Variants in FBXO11 observed in about 807,000 individuals in gnomAD.
FBXO11 encodes the protein F-box protein 11, also known as F-box only protein 11.
A neutral mutation model predicts 117.0 loss-of-function variants in FBXO11; 13 were observed. The ratio of observed to expected loss-of-function variants is 0.11; its 90% CI spans 0.07 to 0.18. FBXO11 has a LOEUF of 0.18. FBXO11 is among the 10% of genes least tolerant of loss of function. The probability of loss-of-function intolerance (pLI) is 1.00; values close to 1 mark genes in which losing one functional copy is unlikely to be tolerated. For synonymous variants in FBXO11, 490 were observed against 380.5 expected, an observed-to-expected ratio of 1.29 and a Z score of -3.35; for missense variants, 767 against 1,164.4, an observed-to-expected ratio of 0.66 and a Z score of 4.97.
Position 47,807,158 on chromosome 2 carries a change from CT to C in FBXO11, c.*959del. 1 of 312,516 alleles carries C rather than the reference CT, an allele frequency of 3.2e-6. No homozygotes were observed. The highest frequency in any genetic ancestry group is 5.9e-6 in the Non-Finnish European group (1 of 168,612). The allele number at this position is 312,516 out of a possible 1,614,324, so 19.4% of individuals were successfully genotyped here. On this transcript the variant is annotated 3_prime_UTR_variant, in exon 23 of 23. Coordinates refer to ENST00000403359, the MANE Select transcript of FBXO11 (RefSeq NM_001190274.2). The stretch of plus-strand genomic sequence containing the variant: ...GAAACTGTATAGGGCTGTATATATA[CT>C]TGTCTCAGCTTAATGCAGGAAATTG...
At chr2:47,810,589 T>G in intron 18 of FBXO11, 163 bp from the exon 19 acceptor site, 1 of 519,138 alleles carries the variant, frequency 1.9e-6, no homozygotes, top group Non-Finnish European at 3.4e-6. Flanking sequence ...TCAGAGGTAT[T>G]AAGGATCTAA....
intron 14 of FBXO11, 78 bp downstream of exon 14, chr2:47,820,284 C>G: frequency 1.8e-6 from 2 of 1,114,214 alleles, no homozygotes; most frequent in South Asian, 3.1e-5. Context: ...TATGGCCTAC[C>G]TAAAAGCTTG....
chr2:47,810,021 G>A (rs1358703852), intron 19 of FBXO11: 2 of 487,986 alleles, frequency 4.1e-6, no homozygotes, highest in African/African-American at 4.0e-5. Context: ...AAATTCATCT[G>A]AGGAATTGAA....
intron 1 of FBXO11, among the ~76,000 whole-genome samples, chr2:47,877,590 G>T (rs536422432): frequency 6.6e-6 from 1 of 152,136 alleles, no homozygotes; most frequent in Non-Finnish European, 1.5e-5. Context: ...GTTGCATGGT[G>T]TGTGTGTATC....
intron 1 of FBXO11, among the ~76,000 whole-genome samples, chr2:47,874,579 G>A (rs191267842): frequency 6.6e-6 from 1 of 151,724 alleles, no homozygotes; most frequent in Non-Finnish European, 1.5e-5. Flanking sequence ...CTGTTGCCCA[G>A]GATGCATTGC....
chr2:47,904,843 G>C (rs911388343), intron 1 of FBXO11, among the ~76,000 whole-genome samples: 1 of 151,916 alleles, frequency 6.6e-6, no homozygotes, highest in Non-Finnish European at 1.5e-5. Flanking sequence ...CCTTCCCAGG[G>C]GTTCGTAACT....
intron 1 of FBXO11, among the ~76,000 whole-genome samples, chr2:47,853,867 T>C (rs1674071069): frequency 6.6e-6 from 1 of 152,228 alleles, no homozygotes; most frequent in Admixed American, 6.5e-5. Context: ...CAATTTCATC[T>C]TCTAAAAACT....
chr2:47,857,397 A>G (rs1208160809), intron 1 of FBXO11, among the ~76,000 whole-genome samples: 2 of 152,216 alleles, frequency 1.3e-5, no homozygotes, highest in East Asian at 3.9e-4. Context: ...TTGGGATTAT[A>G]GTCGTGAGCC....
At chr2:47,860,311 G>C (rs1289992745) in intron 1 of FBXO11, among the ~76,000 whole-genome samples, 1 of 152,014 alleles carries the variant, frequency 6.6e-6, no homozygotes, top group Non-Finnish European at 1.5e-5. Flanking sequence ...GCCAGGGCAT[G>C]AGAAATTGGC....
At chr2:47,828,425 T>C (rs1056311348) in intron 11 of FBXO11, among the ~76,000 whole-genome samples, 4 of 152,238 alleles carry the variant, frequency 2.6e-5, no homozygotes, top group East Asian at 1.9e-4. Flanking sequence ...CTGGCCAACA[T>C]GGTAAAACCC....
At chr2:47,817,073 C>T (rs534455240) in intron 16 of FBXO11, among the ~76,000 whole-genome samples, 6 of 152,232 alleles carry the variant, frequency 3.9e-5, no homozygotes, top group African/African-American at 7.2e-5. Flanking sequence ...TGAGTCTACA[C>T]TGAAATCTGT....
chr2:47,854,987 A>G (rs996804911), intron 1 of FBXO11, among the ~76,000 whole-genome samples: 1 of 152,056 alleles, frequency 6.6e-6, no homozygotes, highest in Non-Finnish European at 1.5e-5. Flanking sequence ...GACTCCTTCA[A>G]TATCAGCAAT....
At chr2:47,877,449 A>C (rs1676089678) in intron 1 of FBXO11, among the ~76,000 whole-genome samples, 1 of 152,170 alleles carries the variant, frequency 6.6e-6, no homozygotes, top group Admixed American at 6.5e-5. Flanking sequence ...AAAACTTAGG[A>C]GATATTTCTG....
intron 1 of FBXO11, among the ~76,000 whole-genome samples, chr2:47,864,566 G>A (rs1021988476): frequency 2.6e-5 from 4 of 152,126 alleles, no homozygotes; most frequent in African/African-American, 9.7e-5. Flanking sequence ...CAGGCTGGAC[G>A]ACAAGAGTAA....
intron 1 of FBXO11, among the ~76,000 whole-genome samples, chr2:47,851,265 T>C (rs997869710): frequency 6.6e-6 from 1 of 152,200 alleles, no homozygotes; most frequent in African/African-American, 2.4e-5. Context: ...CTCATTCTGT[T>C]GCACAGGCTG....
At chr2:47,819,607 ATAG>A (rs776345596) in intron 14 of FBXO11, among the ~76,000 whole-genome samples, 91 of 152,354 alleles carry the variant, frequency 6.0e-4, no homozygotes, top group Non-Finnish European at 5.7e-4. Context: ...TATCACAGTA[ATAG>A]TAGTAGTAGC....
intron 17 of FBXO11, 89 bp downstream of exon 17, chr2:47,813,702 G>C (rs1481032240): frequency 1.2e-5 from 13 of 1,079,704 alleles, no homozygotes; most frequent in Non-Finnish European, 1.8e-5. Context: ...CAAAGTGCTG[G>C]GATTACAGGC....
intron 1 of FBXO11, among the ~76,000 whole-genome samples, chr2:47,891,257 G>A (rs1677241502): frequency 6.6e-6 from 1 of 152,072 alleles, no homozygotes; most frequent in Non-Finnish European, 1.5e-5. Context: ...GAAACTTCAT[G>A]CCTGCTGACT....
chr2:47,895,547 T>C (rs1268850070), intron 1 of FBXO11, among the ~76,000 whole-genome samples: 2 of 152,246 alleles, frequency 1.3e-5, no homozygotes, highest in African/African-American at 2.4e-5. Flanking sequence ...TAGTGCTTTA[T>C]TCCTTGCTGT....
Sources: gnomAD v4.1 joint callset for allele counts (sites outside exome capture counted in the v4.1 genomes callset) on GRCh38, gnomAD v4.1.1 for gene constraint, MANE v1.5 for transcripts, NCBI Gene and HGNC (gene_info 2026-07-23, HGNC 2026-07-21) for gene names.